IST1: variants seen among roughly 807,000 people sequenced by gnomAD.
The protein encoded by IST1 is IST1 factor associated with ESCRT-III.
A neutral mutation model predicts 37.0 loss-of-function variants in IST1; 23 were observed. The ratio of observed to expected loss-of-function variants is 0.62; its 90% CI spans 0.45 to 0.88. The LOEUF (loss-of-function observed/expected upper bound fraction) is 0.88, where lower values mean the gene tolerates loss of function less well. Ranked by LOEUF, IST1 falls within the 40% of genes least tolerant of loss-of-function variation. IST1 has a pLI of 0.00. For missense variants in IST1, 488 were observed against 445.4 expected (o/e 1.10, Z -0.86); for synonymous variants, 180 against 161.7 (o/e 1.11, Z -0.86).
At chr16:71,911,916 C>T (rs1474484941) in intron 1 of IST1, among the ~76,000 whole-genome samples, 1 of 151,882 alleles carries the variant, frequency 6.6e-6, no homozygotes, top group Non-Finnish European at 1.5e-5. Context: ...TGGAGTTTCA[C>T]CATGTTGCCC....
chr16:71,899,896 G>T (rs2037063523), intron 1 of IST1, among the ~76,000 whole-genome samples: 1 of 151,300 alleles, frequency 6.6e-6, no homozygotes, highest in Non-Finnish European at 1.5e-5. Context: ...GGTGGTGGGT[G>T]CCTGTAGTCC....
At chr16:71,927,496 A>AAG (rs1247309467) in intron 9 of IST1, 118 bp from the exon 10 acceptor site, 1 of 789,286 alleles carries the variant, frequency 1.3e-6, no homozygotes, top group African/African-American at 1.7e-5. Flanking sequence ...CAAAAAAAAA[A>AAG]AAAAAAGTTT....
rs181416279 is a variant in IST1, at chr16:71,902,182, G to A, written c.-16+6593G>A. 1.4e-4 allele frequency among the ~76,000 whole-genome samples: 22 copies of A among 152,258 alleles called. 1 individual carries two copies. The highest frequency in any genetic ancestry group is 5.1e-4 in the African/African-American group (21 of 41,566). Reference sequence around the variant, plus strand: ...AGGTGTGAAGGTTCATGTAATATTAGTACTGATTTTCCTCAGATGTTTGAT... The same window carrying A: ...AGGTGTGAAGGTTCATGTAATATTAATACTGATTTTCCTCAGATGTTTGAT... On this transcript the variant is annotated intron_variant, in intron 1 of 9. Transcript: ENST00000378799.
Position 71,930,177 on chromosome 16 carries a change from C to A in IST1, c.*2364C>A. On this transcript the variant is annotated 3_prime_UTR_variant, in exon 10 of 10. Transcript: ENST00000378799. ...AAGGTGCCCAGGACTGGGTCTAAAG[C>A]GAAAACCTGGGAAAACAATAAGAAC... is the stretch of plus-strand genomic sequence containing the variant. The A allele has an allele frequency of 6.5e-6, 10 of 1,540,544 alleles. No homozygotes were observed. The highest frequency in any genetic ancestry group is 8.7e-6 in the Non-Finnish European group (10 of 1,142,858).
chr16:71,897,167 C>T (rs936922704), intron 1 of IST1, among the ~76,000 whole-genome samples: 1 of 134,934 alleles, frequency 7.4e-6, no homozygotes, highest in Admixed American at 8.2e-5. Context: ...CAGGCCCACG[C>T]CTGGCTTTTT....
chr16:71,924,650 G>A (rs1042172586), intron 8 of IST1, 119 bp from the exon 9 acceptor site: 2 of 764,134 alleles, frequency 2.6e-6, no homozygotes, highest in East Asian at 2.4e-5. Flanking sequence ...CAGTTTCTTT[G>A]GAACAGGCTC....
At chr16:71,915,556 C>T (rs566990310) in intron 1 of IST1, 70 bp from the exon 2 acceptor site, 8 of 951,244 alleles carry the variant, frequency 8.4e-6, no homozygotes, top group African/African-American at 6.7e-5. Flanking sequence ...ACATAATTCA[C>T]CCCTAAGAGG....
intron 1 of IST1, among the ~76,000 whole-genome samples, chr16:71,906,002 CTTTT>C (rs35581900): frequency 2.3e-5 from 3 of 127,716 alleles, no homozygotes; most frequent in African/African-American, 2.9e-5. Flanking sequence ...TTAAGCAATT[CTTTT>C]TTTTTTTTTT....
At chr16:71,904,275 C>T (rs898500634) in intron 1 of IST1, among the ~76,000 whole-genome samples, 1 of 152,070 alleles carries the variant, frequency 6.6e-6, no homozygotes, top group Admixed American at 6.6e-5. Flanking sequence ...AGGCTTATGC[C>T]ACCACGCCTG....
upstream of IST1, chr16:71,895,018 T>TA: frequency 1.9e-6 from 1 of 539,614 alleles, no homozygotes; most frequent in East Asian, 3.3e-5. Flanking sequence ...GGGGAACGCT[T>TA]AGAGCCCGTA....
intron 1 of IST1, among the ~76,000 whole-genome samples, chr16:71,910,663 C>T (rs1484879747): frequency 2.0e-5 from 3 of 151,762 alleles, no homozygotes; most frequent in African/African-American, 7.3e-5. Context: ...TCGGTATGAT[C>T]TGCGATTTCA....
In IST1 at chr16:71,928,199, C is replaced by T. The variant is rs746016926; in HGVS notation, c.*386C>T. 5 of 250,140 alleles carry T rather than the reference C, an allele frequency of 2.0e-5. No homozygotes were observed. The highest frequency in any genetic ancestry group is 1.5e-4 in the South Asian group (3 of 19,768). The allele number at this position is 250,140 out of a possible 1,614,324, so 15.5% of individuals were successfully genotyped here. Reference sequence around the variant, plus strand: ...AGCACGTTGTGAAGCATCCCAGCCTCGTGTTGAGGTTCCAGACTTAGAAAC... The same window carrying T: ...AGCACGTTGTGAAGCATCCCAGCCTTGTGTTGAGGTTCCAGACTTAGAAAC... On this transcript the variant is annotated 3_prime_UTR_variant, in exon 10 of 10. Coordinates refer to ENST00000378799, the MANE Select transcript of IST1 (RefSeq NM_001270975.2).
chr16:71,925,113 C>T (rs983072085), intron 9 of IST1, among the ~76,000 whole-genome samples: 5 of 142,994 alleles, frequency 3.5e-5, no homozygotes, highest in Admixed American at 3.5e-4. Context: ...CCCGGGTTCA[C>T]GCCATTCTCC....
chr16:71,918,817 T>TA (rs2037520095), intron 4 of IST1, among the ~76,000 whole-genome samples: 2 of 152,140 alleles, frequency 1.3e-5, no homozygotes, highest in Non-Finnish European at 2.9e-5. Flanking sequence ...TTAATGTGAA[T>TA]AAAAAAATCT....
At position 71,929,580 on chromosome 16, in the gene IST1, TGTC is replaced by T. The variant is rs1479802987; in HGVS notation, c.*1770_*1772del. The T allele has an allele frequency of 1.3e-6, 2 of 1,551,810 alleles. No homozygotes were observed. The highest frequency in any genetic ancestry group is 2.4e-5 in the South Asian group (2 of 84,064). ...AAACTTCAGTGTCACTGCCCACTGCTGTCGTGGCTGCTTGCTCAGATGAGGTTT... is the reference window on the plus strand; with the variant it reads ...AAACTTCAGTGTCACTGCCCACTGCTGTGGCTGCTTGCTCAGATGAGGTTT... On this transcript the variant is annotated 3_prime_UTR_variant, in exon 10 of 10. Coordinates refer to ENST00000378799, the MANE Select transcript of IST1 (RefSeq NM_001270975.2).
At chr16:71,910,995 A>G (rs2037341649) in intron 1 of IST1, among the ~76,000 whole-genome samples, 1 of 151,982 alleles carries the variant, frequency 6.6e-6, no homozygotes, top group South Asian at 2.1e-4. Context: ...CAAAAAAAAC[A>G]TTGGGAGGCT....
rs756119291 is a variant in IST1, at chr16:71,929,605, G to GT, written c.*1798dup. Reference sequence around the variant, plus strand: ...TGTCGTGGCTGCTTGCTCAGATGAGGTTTTTTGGGGCCAACTGATTCCTAA... The same window carrying GT: ...TGTCGTGGCTGCTTGCTCAGATGAGGTTTTTTTGGGGCCAACTGATTCCTAA... On this transcript the variant is annotated 3_prime_UTR_variant, in exon 10 of 10. Coordinates refer to ENST00000378799, the MANE Select transcript of IST1 (RefSeq NM_001270975.2). 1.3e-6 allele frequency: 2 copies of GT among 1,551,830 alleles called. No individual in the cohort carries two copies. Among genetic ancestry groups the GT allele is most frequent in the East Asian group, 4.9e-5 (2 of 40,924 alleles).
chr16:71,908,778 G>T (rs992381879), intron 1 of IST1, among the ~76,000 whole-genome samples: 1 of 152,096 alleles, frequency 6.6e-6, no homozygotes, highest in South Asian at 2.1e-4. Context: ...GCTCATTTCC[G>T]GGTTTCAGCC....
At chr16:71,924,677 CAACTT>C (rs2037694819) in intron 8 of IST1, 87 bp from the exon 9 acceptor site, 9 of 940,670 alleles carry the variant, frequency 9.6e-6, no homozygotes, top group Middle Eastern at 2.1e-4. Context: ...ATTTGGTGAG[CAACTT>C]AACTTTTGGA....
Sources: allele counts gnomAD v4.1 joint callset (sites outside exome capture counted in the v4.1 genomes callset), GRCh38; gene constraint gnomAD v4.1.1; transcripts MANE v1.5; gene names NCBI Gene and HGNC (gene_info 2026-07-23, HGNC 2026-07-21).